MAPK10: variants seen among roughly 807,000 people sequenced by gnomAD.
MAPK10 encodes mitogen-activated protein kinase 10.
Under a neutral mutation model 59.3 loss-of-function variants are expected in MAPK10, and 25 were observed. The observed-to-expected ratio is 0.42, with a 90% CI of 0.31 to 0.59. The LOEUF is 0.59. Among genes scored for constraint, MAPK10 ranks in the 20% least tolerant of loss-of-function variants. The probability of loss-of-function intolerance (pLI) is 0.15; values close to 1 mark genes in which losing one functional copy is unlikely to be tolerated. For missense variants in MAPK10, 351 were observed against 568.9 expected, an observed-to-expected ratio of 0.62 and a Z score of 3.90; for synonymous variants, 190 against 200.5, an observed-to-expected ratio of 0.95 and a Z score of 0.44.
At chr4:86,223,824 C>CTT (rs749048895) in intron 2 of MAPK10, among the ~76,000 whole-genome samples, 2 of 152,192 alleles carry the variant, frequency 1.3e-5, no homozygotes, top group Non-Finnish European at 2.9e-5. Flanking sequence ...AAATCCCAAG[C>CTT]GAGTCTCTTT....
chr4:86,190,165 AT>A (rs2079329365), intron 3 of MAPK10, among the ~76,000 whole-genome samples: 1 of 151,988 alleles, frequency 6.6e-6, no homozygotes, highest in South Asian at 2.1e-4. Flanking sequence ...TTTATTGAGG[AT>A]TTTTACATTG....
At chr4:86,165,055 C>G (rs1038953618) in intron 3 of MAPK10, among the ~76,000 whole-genome samples, 3 of 152,172 alleles carry the variant, frequency 2.0e-5, no homozygotes, top group African/African-American at 7.2e-5. Context: ...TAAAATTAAT[C>G]TATCTCAATA....
intron 2 of MAPK10, among the ~76,000 whole-genome samples, chr4:86,285,848 C>CA (rs954409998): frequency 3.9e-5 from 6 of 152,142 alleles, no homozygotes; most frequent in African/African-American, 1.2e-4. Context: ...AGTCCCAATC[C>CA]AACTCCAAAA....
intron 1 of MAPK10, 144 bp from the exon 2 acceptor site, chr4:86,354,788 C>T (rs556027429): frequency 3.1e-5 from 12 of 389,306 alleles, no homozygotes; most frequent in Admixed American, 1.8e-4. Flanking sequence ...AGGTAATTAT[C>T]TCTATTCATC....
chr4:86,548,825 C>G (rs1759514678), intron 1 of MAPK10, among the ~76,000 whole-genome samples: 1 of 152,148 alleles, frequency 6.6e-6, no homozygotes, highest in Non-Finnish European at 1.5e-5. Flanking sequence ...AATAAGACAG[C>G]TTAGAAGGAC....
chr4:86,558,937 A>G (rs1760464770), intron 1 of MAPK10, among the ~76,000 whole-genome samples: 1 of 152,026 alleles, frequency 6.6e-6, no homozygotes, highest in African/African-American at 2.4e-5. Context: ...TCTTGATGGT[A>G]ATATTATTAT....
chr4:86,513,471 A>T (rs1343541532), intron 1 of MAPK10, among the ~76,000 whole-genome samples: 1 of 152,198 alleles, frequency 6.6e-6, no homozygotes, highest in Non-Finnish European at 1.5e-5. Context: ...CTCAATATTA[A>T]CTATTGGCTA....
At chr4:86,561,643 T>C (rs1030103023) in intron 1 of MAPK10, among the ~76,000 whole-genome samples, 5 of 152,168 alleles carry the variant, frequency 3.3e-5, no homozygotes, top group African/African-American at 1.2e-4. Context: ...GAAGAGAAGG[T>C]GATTGAGTAA....
At chr4:86,579,146 A>G (rs1483049959) in intron 1 of MAPK10, among the ~76,000 whole-genome samples, 1 of 152,214 alleles carries the variant, frequency 6.6e-6, no homozygotes, top group Non-Finnish European at 1.5e-5. Context: ...AGGAAGAAAG[A>G]TACAAAGTTT....
At chr4:86,119,747 C>T (rs968085736) in intron 4 of MAPK10, 13 of 152,298 alleles carry the variant, frequency 8.5e-5, no homozygotes, top group African/African-American at 3.1e-4. Flanking sequence ...CAGCTCTTAG[C>T]CCCCTTTGAG....
chr4:86,203,040 A>G (rs1215749075), intron 2 of MAPK10, among the ~76,000 whole-genome samples: 6 of 151,986 alleles, frequency 3.9e-5, no homozygotes, highest in Admixed American at 2.0e-4. Flanking sequence ...TGGTATCTCA[A>G]TATTATGCTA....
chr4:86,229,563 T>C (rs370711467), intron 2 of MAPK10, among the ~76,000 whole-genome samples: 1 of 152,174 alleles, frequency 6.6e-6, no homozygotes, highest in East Asian at 1.9e-4. Flanking sequence ...TAAACTAATA[T>C]GGCCTGTGTT....
At chr4:86,096,140 C>T (rs1272684838) in intron 9 of MAPK10, among the ~76,000 whole-genome samples, 1 of 151,186 alleles carries the variant, frequency 6.6e-6, no homozygotes, top group South Asian at 2.1e-4. Flanking sequence ...TAAATGCAAA[C>T]CTTTATTATA....
At chr4:86,585,772 T>C (rs1211536335) in intron 1 of MAPK10, among the ~76,000 whole-genome samples, 1 of 152,200 alleles carries the variant, frequency 6.6e-6, no homozygotes, top group Non-Finnish European at 1.5e-5. Flanking sequence ...CTAGTCTCTG[T>C]AGATATGACC....
intron 1 of MAPK10, among the ~76,000 whole-genome samples, chr4:86,539,636 C>A (rs996192996): frequency 4.6e-5 from 7 of 152,178 alleles, no homozygotes; most frequent in Non-Finnish European, 7.3e-5. Context: ...AAGATTAAAT[C>A]ATTATTCAAT....
At chr4:86,438,456 G>A (rs998332038) in intron 1 of MAPK10, among the ~76,000 whole-genome samples, 5 of 152,054 alleles carry the variant, frequency 3.3e-5, no homozygotes, top group Admixed American at 6.6e-5. Context: ...TTGGGAGGCC[G>A]AGGGGGGTGG....
intron 2 of MAPK10, among the ~76,000 whole-genome samples, chr4:86,331,745 A>C (rs1320056512): frequency 6.6e-6 from 1 of 152,212 alleles, no homozygotes; most frequent in Non-Finnish European, 1.5e-5. Context: ...ACAGGGGCAG[A>C]CTCAAGCACT....
intron 4 of MAPK10, among the ~76,000 whole-genome samples, chr4:86,148,077 T>G (rs1165970021): frequency 6.6e-6 from 1 of 152,174 alleles, no homozygotes; most frequent in African/African-American, 2.4e-5. Context: ...GATGAGAAAG[T>G]CAGAATCCTT....
chr4:86,467,367 G>T (rs942657653), intron 1 of MAPK10, among the ~76,000 whole-genome samples: 3 of 152,100 alleles, frequency 2.0e-5, no homozygotes, highest in African/African-American at 7.2e-5. Context: ...TAGGTTGAGG[G>T]GTTTCACTGT....
Sources: gnomAD v4.1 joint callset for allele counts (sites outside exome capture counted in the v4.1 genomes callset) on GRCh38, gnomAD v4.1.1 for gene constraint, MANE v1.5 for transcripts, NCBI Gene and HGNC (gene_info 2026-07-23, HGNC 2026-07-21) for gene names.